Variants in SMARCAD1 observed in about 807,000 individuals in gnomAD.
SMARCAD1 encodes the protein SWI/SNF-related matrix-associated actin-dependent regulator of chromatin subfamily A containing DEAD/H box 1.
A neutral mutation model predicts 127.1 loss-of-function variants in SMARCAD1; 25 were observed. That is an observed-to-expected ratio of 0.20 (90% CI 0.14 to 0.27). SMARCAD1 has a LOEUF of 0.27. Among genes scored for constraint, SMARCAD1 ranks in the 10% least tolerant of loss-of-function variants. The pLI, the probability that SMARCAD1 is intolerant of heterozygous loss-of-function variation, is 1.00. For synonymous variants in SMARCAD1, 400 were observed against 396.9 expected, an observed-to-expected ratio of 1.01 and a Z score of -0.09; for missense variants, 807 against 1,206.0, an observed-to-expected ratio of 0.67 and a Z score of 4.90.
rs753097057 is a variant in SMARCAD1, at chr4:94,276,342, T to C, written c.1812T>C (p.Tyr604=). Residue 604 remains tyrosine (Y), a synonymous_variant, in exon 15 of 24, where the codon TAT becomes TAC. Coordinates refer to ENST00000354268, the MANE Select transcript of SMARCAD1 (RefSeq NM_020159.5). ...YEDYNVIVTT[Y]NCAISSSDDR... ...ATGTTTTTTCTTTTGGTGACAGATA[T>C]AACTGTGCGATCAGCAGTTCTGATG... 2.1e-5 allele frequency: 34 copies of C among 1,613,994 alleles called. 1 individual carries two copies. Among genetic ancestry groups the C allele is most frequent in the East Asian group, 6.7e-5 (3 of 44,876 alleles).
chr4:94,272,341 C>G (rs980989662), intron 11 of SMARCAD1, among the ~76,000 whole-genome samples: 1 of 152,194 alleles, frequency 6.6e-6, no homozygotes, highest in Non-Finnish European at 1.5e-5. Context: ...CATTCAGTTC[C>G]CCTGAGGATC....
At chr4:94,289,401 A>G in intron 23 of SMARCAD1, 72 bp from the exon 24 acceptor site, 1 of 1,389,738 alleles carries the variant, frequency 7.2e-7, no homozygotes, top group Non-Finnish European at 1.0e-6. Flanking sequence ...CAAAGAAAAA[A>G]AATAATTGAG....
At chr4:94,284,326 C>CA (rs1161926658) in intron 22 of SMARCAD1, among the ~76,000 whole-genome samples, 3,072 of 25,628 alleles carry the variant, frequency 0.12, 485 homozygotes, top group East Asian at 0.22. Flanking sequence ...GACTCCGTCT[C>CA]AAAAAAAAAA....
In SMARCAD1 at chr4:94,252,895, T is replaced by C; in HGVS notation, c.1169T>C (p.Leu390Pro). The change falls in exon 9 of 24, where the codon CTT becomes CCT. Residue 390 changes from leucine to proline, a missense_variant. Around this residue, in one of 8 missense-constraint regions of SMARCAD1, gnomAD observed 257 missense variants for 303.4 expected, o/e 0.85. Coordinates refer to ENST00000354268, the MANE Select transcript of SMARCAD1 (RefSeq NM_020159.5). ...GAGGATGGCTATAAAGGTAAAATTC[T>C]TCACTTCCTTCAAGATGCTTCAATT... is the stretch of plus-strand genomic sequence containing the variant. Reference protein sequence around the residue: ...VMEDGYKGKILHFLQDASIGE... With the variant: ...VMEDGYKGKIPHFLQDASIGE... 1 of 1,614,144 alleles carries C rather than the reference T, an allele frequency of 6.2e-7. No individual in the cohort carries two copies. Among genetic ancestry groups the C allele is most frequent in the Non-Finnish European group, 8.5e-7 (1 of 1,180,018 alleles).
intron 9 of SMARCAD1, 92 bp from the exon 10 acceptor site, chr4:94,264,614 AT>A: frequency 9.0e-7 from 1 of 1,115,378 alleles, no homozygotes; most frequent in Non-Finnish European, 1.3e-6. Flanking sequence ...AAAAGTTTAA[AT>A]TAGCAAACTT....
intron 16 of SMARCAD1, 134 bp from the exon 17 acceptor site, chr4:94,278,288 T>A: frequency 1.3e-6 from 1 of 777,160 alleles, no homozygotes; most frequent in Non-Finnish European, 2.2e-6. Flanking sequence ...TGAAGTGCCA[T>A]CTAGAATGAA....
intron 6 of SMARCAD1, among the ~76,000 whole-genome samples, chr4:94,244,645 C>T (rs1018841285): frequency 1.3e-5 from 2 of 152,020 alleles, no homozygotes; most frequent in Non-Finnish European, 2.9e-5. Flanking sequence ...TAACGTCAGC[C>T]TTTGAGGTTC....
At chr4:94,279,180 A>G in intron 19 of SMARCAD1, 130 bp downstream of exon 19, 1 of 1,204,828 alleles carries the variant, frequency 8.3e-7, no homozygotes, top group South Asian at 1.4e-5. Context: ...TTTTTTTCAG[A>G]CCAGGTCTGG....
chr4:94,208,383 C>T lies in SMARCAD1; in HGVS notation c.-12C>T, dbSNP rs1287816013. 2 of 1,613,890 alleles carry T rather than the reference C, an allele frequency of 1.2e-6. No individual in the cohort carries two copies. The highest frequency in any genetic ancestry group is 1.1e-5 in the South Asian group (1 of 91,070). ...AAGCCCCCATCCCTGCAAGGTGGTG[C>T]TTTCTACCAATATGAATCTTTTCAA... On this transcript the variant is annotated 5_prime_UTR_variant, in exon 2 of 24. Transcript: ENST00000354268.
chr4:94,208,414 A>T lies in SMARCAD1; in HGVS notation c.20A>T (p.Asp7Val), dbSNP rs1487431135. The change falls in exon 2 of 24, where the codon GAC becomes GTC. Residue 7 changes from aspartate to valine, a missense_variant. Asp to Val is a radical substitution (Grantham distance 152). Around this residue, in one of 8 missense-constraint regions of SMARCAD1, gnomAD observed 175 missense variants for 169.5 expected, o/e 1.03. Transcript: ENST00000354268. ...ACCAATATGAATCTTTTCAACCTGG[A>T]CCGTTTTCGCTTTGAGAAAAGGAAT... MNLFNL[D>V]RFRFEKRNKI... 1 of 1,614,092 alleles carries T rather than the reference A, an allele frequency of 6.2e-7. No homozygotes were observed. Among genetic ancestry groups the T allele is most frequent in the Non-Finnish European group, 8.5e-7 (1 of 1,180,036 alleles).
Position 94,283,103 on chromosome 4 carries a change from A to T in SMARCAD1, c.2727-18A>T. The T allele has an allele frequency of 6.3e-7, 1 of 1,598,658 alleles. No homozygotes were observed. The highest frequency in any genetic ancestry group is 8.6e-7 in the Non-Finnish European group (1 of 1,167,746). ...ACAACTTTTTAGTGAGATTTAACCTAATTTGTTTATCTTACAGGATTCATC... is the reference window on the plus strand; with the variant it reads ...ACAACTTTTTAGTGAGATTTAACCTTATTTGTTTATCTTACAGGATTCATC... On this transcript the variant is annotated intron_variant, in intron 21 of 23. Coordinates refer to ENST00000354268, the MANE Select transcript of SMARCAD1 (RefSeq NM_020159.5).
At chr4:94,222,948 A>G (rs1469093707) in intron 2 of SMARCAD1, among the ~76,000 whole-genome samples, 1 of 152,104 alleles carries the variant, frequency 6.6e-6, no homozygotes, top group Non-Finnish European at 1.5e-5. Flanking sequence ...TGGGCGACAG[A>G]GCAAGACTCT....
At chr4:94,268,881 G>T (rs114703204) in intron 10 of SMARCAD1, among the ~76,000 whole-genome samples, 1,910 of 152,234 alleles carry the variant, frequency 0.013, 41 homozygotes, top group African/African-American at 0.044. Context: ...CGTTATAGTA[G>T]AAATAATTGT....
At chr4:94,235,288 A>G (rs1746473929) in intron 4 of SMARCAD1, among the ~76,000 whole-genome samples, 1 of 109,978 alleles carries the variant, frequency 9.1e-6, no homozygotes, top group South Asian at 3.2e-4. Flanking sequence ...ATATAAATGG[A>G]TTCAGATATG....
intron 22 of SMARCAD1, among the ~76,000 whole-genome samples, chr4:94,283,675 A>C (rs1445785169): frequency 6.6e-6 from 1 of 152,032 alleles, no homozygotes; most frequent in Non-Finnish European, 1.5e-5. Flanking sequence ...AATACAAAAA[A>C]TTAGCCGGGC....
chr4:94,218,593 A>G (rs1379055631), intron 2 of SMARCAD1, among the ~76,000 whole-genome samples: 1 of 151,078 alleles, frequency 6.6e-6, no homozygotes, highest in Non-Finnish European at 1.5e-5. Flanking sequence ...TTTATGTTTC[A>G]CCCTTTCTTT....
In SMARCAD1 at chr4:94,276,423, T is replaced by C. The variant is rs747766087; in HGVS notation, c.1893T>C (p.His631=). The C allele has an allele frequency of 1.2e-6, 2 of 1,614,166 alleles. No individual in the cohort carries two copies. The highest frequency in any genetic ancestry group is 1.1e-5 in the South Asian group (1 of 91,080). The change falls in exon 15 of 24, where the codon CAT becomes CAC. Residue 631 remains histidine (H), a synonymous_variant. Transcript: ENST00000354268. ...ATTACGCAATTTTTGATGAGGGCCA[T>C]ATGCTGAAGAATATGGGCTCCATTC... is the stretch of plus-strand genomic sequence containing the variant. ...KLNYAIFDEG[H]MLKNMGSIRY...
At chr4:94,289,262 T>A (rs1483563628) in intron 23 of SMARCAD1, among the ~76,000 whole-genome samples, 1 of 152,100 alleles carries the variant, frequency 6.6e-6, no homozygotes, top group African/African-American at 2.4e-5. Flanking sequence ...AACCTTAGAT[T>A]GCTATGTTGG....
At chr4:94,267,056 A>G (rs1751830568) in intron 10 of SMARCAD1, among the ~76,000 whole-genome samples, 1 of 143,008 alleles carries the variant, frequency 7.0e-6, no homozygotes, top group Non-Finnish European at 1.5e-5. Flanking sequence ...AGCTTTAGTT[A>G]ATTAATCTAT....
Sources: allele counts gnomAD v4.1 joint callset (sites outside exome capture counted in the v4.1 genomes callset), GRCh38; gene constraint gnomAD v4.1.1; regional missense constraint gnomAD v4.1.1; transcripts MANE v1.5; gene names NCBI Gene and HGNC (gene_info 2026-07-23, HGNC 2026-07-21).